ELF1: variants seen among roughly 807,000 people sequenced by gnomAD.
The protein encoded by ELF1 is E74 like ETS transcription factor 1.
In ELF1, 24 loss-of-function variants were observed where a neutral mutation model predicts 59.9. The ratio of observed to expected loss-of-function variants is 0.40; its 90% confidence interval spans 0.29 to 0.56. The LOEUF is 0.56. Among genes scored for constraint, ELF1 ranks in the 20% least tolerant of loss-of-function variants. The pLI is 0.44. For synonymous variants in ELF1, 248 were observed against 266.2 expected (o/e 0.93, Z 0.67); for missense variants, 627 against 742.2 (o/e 0.84, Z 1.80).
intron 2 of ELF1, among the ~76,000 whole-genome samples, chr13:40,968,378 C>T (rs1172022336): frequency 6.6e-6 from 1 of 152,076 alleles, no homozygotes; most frequent in Non-Finnish European, 1.5e-5. Flanking sequence ...TCAACAAATC[C>T]CCATGGCACA....
intron 2 of ELF1, among the ~76,000 whole-genome samples, chr13:40,967,616 A>G (rs959028368): frequency 6.6e-6 from 1 of 152,196 alleles, no homozygotes; most frequent in African/African-American, 2.4e-5. Flanking sequence ...TTTTTGAGAC[A>G]GGGTCTTGCT....
At chr13:40,940,412 A>AC (rs1870073080) in intron 8 of ELF1, among the ~76,000 whole-genome samples, 1 of 96,142 alleles carries the variant, frequency 1.0e-5, no homozygotes, top group Non-Finnish European at 2.7e-5. Context: ...AAAAAAAAAA[A>AC]AAAAAACAAA....
At chr13:40,952,967 T>C (rs1593357475) in intron 3 of ELF1, among the ~76,000 whole-genome samples, 1 of 128,328 alleles carries the variant, frequency 7.8e-6, no homozygotes, top group African/African-American at 3.0e-5. Context: ...TTAAATATAC[T>C]AACAATAAAT....
upstream of ELF1, among the ~76,000 whole-genome samples, chr13:41,022,373 A>G (rs1396903303): frequency 6.6e-6 from 1 of 152,230 alleles, no homozygotes; most frequent in Non-Finnish European, 1.5e-5. Flanking sequence ...CAGAAGGCAC[A>G]GAAATCCTAT....
At chr13:40,979,577 G>A (rs1162666711) in intron 2 of ELF1, among the ~76,000 whole-genome samples, 2 of 152,176 alleles carry the variant, frequency 1.3e-5, no homozygotes, top group Non-Finnish European at 2.9e-5. Context: ...TAACAGCCAT[G>A]TCAGGAACTG....
intron 2 of ELF1, among the ~76,000 whole-genome samples, chr13:40,980,115 T>C (rs891304564): frequency 6.6e-6 from 1 of 152,174 alleles, no homozygotes; most frequent in Non-Finnish European, 1.5e-5. Flanking sequence ...AACATTTTGA[T>C]GCTGATTATA....
At chr13:41,043,159 T>G (rs551452248) in intron 1 of ELF1, among the ~76,000 whole-genome samples, 5 of 152,338 alleles carry the variant, frequency 3.3e-5, no homozygotes, top group Admixed American at 3.3e-4. Flanking sequence ...TTGTTTGTTT[T>G]TTTCTTGTAA....
intron 1 of ELF1, among the ~76,000 whole-genome samples, chr13:41,016,006 AT>A (rs1478813612): frequency 6.6e-6 from 1 of 152,182 alleles, no homozygotes; most frequent in Non-Finnish European, 1.5e-5. Context: ...ACATAGGTAA[AT>A]GCTATTCAAC....
chr13:40,951,417 G>A lies in ELF1; in HGVS notation c.273C>T (p.Asp91=), dbSNP rs771901240. 4.3e-6 allele frequency: 7 copies of A among 1,613,538 alleles called. No individual in the cohort carries two copies. Among genetic ancestry groups the A allele is most frequent in the South Asian group, 3.3e-5 (3 of 91,052 alleles). ...ITLTVEASCH[D]GDETIETIEA... ...CAATAGTTTCAATTGTTTCATCCCC[G>A]TCATGACAAGAAGCTTCAACTGCAA... The change falls in exon 4 of 9, where the codon GAC becomes GAT. Residue 91 remains aspartate, a synonymous_variant. Coordinates refer to ENST00000239882, the MANE Select transcript of ELF1 (RefSeq NM_172373.4).
At chr13:41,053,199 C>T (rs1218499965) in intron 1 of ELF1, among the ~76,000 whole-genome samples, 1 of 151,872 alleles carries the variant, frequency 6.6e-6, no homozygotes, top group Non-Finnish European at 1.5e-5. Flanking sequence ...ACTAAAAATA[C>T]AAAAATTAGC....
intron 1 of ELF1, among the ~76,000 whole-genome samples, chr13:41,025,162 C>G (rs1384047864): frequency 1.3e-5 from 2 of 152,080 alleles, no homozygotes; most frequent in Non-Finnish European, 2.9e-5. Flanking sequence ...GACTCTCCCT[C>G]ACTCCCTAGC....
At chr13:41,005,418 T>C (rs1030901027) in intron 1 of ELF1, among the ~76,000 whole-genome samples, 1 of 129,866 alleles carries the variant, frequency 7.7e-6, no homozygotes, top group African/African-American at 3.0e-5. Context: ...CCTTGATATG[T>C]GACCCTCCCC....
At chr13:40,987,820 C>T (rs1873640435) in intron 1 of ELF1, among the ~76,000 whole-genome samples, 1 of 152,024 alleles carries the variant, frequency 6.6e-6, no homozygotes, top group African/African-American at 2.4e-5. Flanking sequence ...TAACTCTAGA[C>T]ACCAAGTAAC....
chr13:41,042,980 T>A (rs1462302849), intron 1 of ELF1, among the ~76,000 whole-genome samples: 1 of 152,206 alleles, frequency 6.6e-6, no homozygotes, highest in Non-Finnish European at 1.5e-5. Flanking sequence ...TTCCTGACTT[T>A]TTAATGATTG....
intron 1 of ELF1, among the ~76,000 whole-genome samples, chr13:41,017,721 A>G (rs1875489566): frequency 6.6e-6 from 1 of 152,074 alleles, no homozygotes; most frequent in Non-Finnish European, 1.5e-5. Context: ...CTCTTTAATA[A>G]ATAAGATCTT....
chr13:41,058,108 T>G (rs2772181), intron 1 of ELF1, among the ~76,000 whole-genome samples: 22,650 of 152,292 alleles, frequency 0.15, 1,854 homozygotes, highest in Non-Finnish European at 0.19. Context: ...CAAGAATTTT[T>G]CACATGCCAC....
rs114407279 is a variant in ELF1 at position 40,958,219 on chromosome 13, T to C, written c.253+617A>G. On this transcript the variant is annotated intron_variant, in intron 3 of 8. Coordinates refer to ENST00000239882, the MANE Select transcript of ELF1 (RefSeq NM_172373.4). Reference sequence around the variant, plus strand: ...TGTAGCCTAATCTTCAAGTTTAAAATATCTTACTAGTTCTGACTGAACCAG... The same window carrying C: ...TGTAGCCTAATCTTCAAGTTTAAAACATCTTACTAGTTCTGACTGAACCAG... 1.8e-3 allele frequency among the ~76,000 whole-genome samples: 270 copies of C among 152,356 alleles called. 2 individuals are homozygous for C. The highest frequency in any genetic ancestry group is 6.4e-3 in the African/African-American group (265 of 41,576).
At chr13:41,019,108 A>T in intron 1 of ELF1, 120 bp downstream of exon 1, 1 of 827,450 alleles carries the variant, frequency 1.2e-6, no homozygotes, top group Non-Finnish European at 1.5e-6. Context: ...CTGACCACAC[A>T]CATTTTATCA....
At chr13:40,969,168 C>T (rs1872371647) in intron 2 of ELF1, among the ~76,000 whole-genome samples, 1 of 152,122 alleles carries the variant, frequency 6.6e-6, no homozygotes, top group Non-Finnish European at 1.5e-5. Flanking sequence ...GAGTCTAGTT[C>T]TTAAAAATGT....
Sources: gnomAD v4.1 joint callset for allele counts (sites outside exome capture counted in the v4.1 genomes callset) on GRCh38, gnomAD v4.1.1 for gene constraint, MANE v1.5 for transcripts, NCBI Gene and HGNC (gene_info 2026-07-23, HGNC 2026-07-21) for gene names.